JMY: variants seen among roughly 807,000 people sequenced by gnomAD.
JMY encodes the protein junction mediating and regulatory protein, p53 cofactor, also known as junction-mediating and -regulatory protein.
Under a neutral mutation model 103.3 loss-of-function variants are expected in JMY, and 46 were observed. The ratio of observed to expected loss-of-function variants is 0.45; its 90% CI spans 0.35 to 0.57. JMY has a LOEUF of 0.57. Ranked by LOEUF, JMY falls within the 20% of genes least tolerant of loss-of-function variation. JMY has a pLI of 0.00. For synonymous variants in JMY, 526 were observed against 489.3 expected (o/e 1.07, Z -0.99); for missense variants, 1,238 against 1,255.2 (o/e 0.99, Z 0.21).
intron 2 of JMY, 51 bp downstream of exon 2, chr5:79,278,134 G>A: frequency 7.2e-7 from 1 of 1,387,246 alleles, no homozygotes. Flanking sequence ...ATAGTTCTCA[G>A]CCTGAAAGGC....
At chr5:79,310,546 G>A (rs1407498347) in intron 7 of JMY, among the ~76,000 whole-genome samples, 1 of 152,130 alleles carries the variant, frequency 6.6e-6, no homozygotes, top group Non-Finnish European at 1.5e-5. Context: ...GTTTTTCAAT[G>A]CTAGTTTTAA....
intron 4 of JMY, among the ~76,000 whole-genome samples, chr5:79,294,988 C>T (rs896026405): frequency 2.0e-4 from 31 of 152,096 alleles, no homozygotes; most frequent in African/African-American, 7.2e-4. Context: ...TGAATGCATA[C>T]TAGTCTTGAA....
intron 6 of JMY, among the ~76,000 whole-genome samples, chr5:79,302,005 C>G (rs138604972): frequency 0.023 from 3,500 of 151,442 alleles, 75 homozygotes; most frequent in Middle Eastern, 0.054. Context: ...ATCGCTTGAA[C>G]CCAGAAGGTG....
At chr5:79,316,848 G>T (rs1747240974) in intron 10 of JMY, among the ~76,000 whole-genome samples, 1 of 146,524 alleles carries the variant, frequency 6.8e-6, no homozygotes. Context: ...GGAGGTTGCA[G>T]TGAGCTGAGA....
intron 1 of JMY, among the ~76,000 whole-genome samples, chr5:79,241,174 T>C (rs1206709191): frequency 6.6e-6 from 1 of 152,176 alleles, no homozygotes; most frequent in African/African-American, 2.4e-5. Flanking sequence ...CTTTTTTTTG[T>C]TTGTTTTTAA....
At chr5:79,288,015 T>G (rs1002641723) in intron 2 of JMY, among the ~76,000 whole-genome samples, 2 of 152,234 alleles carry the variant, frequency 1.3e-5, no homozygotes, top group African/African-American at 4.8e-5. Context: ...CAGAGGTAAT[T>G]GCAATAAAAG....
chr5:79,312,286 A>T (rs896981590), intron 7 of JMY, 117 bp from the exon 8 acceptor site: 1 of 491,362 alleles, frequency 2.0e-6, no homozygotes, highest in African/African-American at 2.0e-5. Context: ...ACAAAAAAAA[A>T]TTTTGTTCAG....
At chr5:79,285,994 CT>C (rs1746257082) in intron 2 of JMY, among the ~76,000 whole-genome samples, 1 of 152,140 alleles carries the variant, frequency 6.6e-6, no homozygotes, top group Non-Finnish European at 1.5e-5. Context: ...GCACTGTTTT[CT>C]TTCTAGCACT....
chr5:79,269,795 A>G (rs1745689019), intron 1 of JMY, among the ~76,000 whole-genome samples: 1 of 151,960 alleles, frequency 6.6e-6, no homozygotes, highest in Admixed American at 6.6e-5. Context: ...CAGTGGCGCA[A>G]TCATAGCTCA....
intron 1 of JMY, among the ~76,000 whole-genome samples, chr5:79,267,201 T>G (rs945154767): frequency 1.3e-5 from 2 of 152,236 alleles, no homozygotes; most frequent in Non-Finnish European, 2.9e-5. Context: ...TATATTAAAA[T>G]TAATTTTTTG....
intron 2 of JMY, 98 bp downstream of exon 2, chr5:79,278,181 A>C: frequency 9.7e-7 from 1 of 1,030,264 alleles, no homozygotes; most frequent in South Asian, 1.9e-5. Flanking sequence ...AAAAAAAAAA[A>C]AAAAAAGAAG....
intron 8 of JMY, among the ~76,000 whole-genome samples, chr5:79,313,849 A>G (rs1280190639): frequency 6.6e-6 from 1 of 152,176 alleles, no homozygotes; most frequent in Non-Finnish European, 1.5e-5. Context: ...TAAGGGTGAA[A>G]TAACCAATAA....
In JMY at chr5:79,237,682, G is replaced by GGTGA. The variant is rs753336364; in HGVS notation, c.1032+10_1032+13dup. The GGTGA allele has an allele frequency of 4.3e-6, 7 of 1,610,138 alleles. No individual in the cohort carries two copies. Among genetic ancestry groups the GGTGA allele is most frequent in the South Asian group, 1.1e-5 (1 of 90,832 alleles). ...AGCGGGCCAGGAAGCGCATCCAGGA[G>GGTGA]GTGAGTGAGTGAGCTCCTAGTCTGG... is the stretch of plus-strand genomic sequence containing the variant. On this transcript the variant is annotated frameshift_variant and splice_region_variant. Coordinates refer to ENST00000396137, the MANE Select transcript of JMY (RefSeq NM_152405.5). LOFTEE classifies it high-confidence loss of function.
intron 6 of JMY, among the ~76,000 whole-genome samples, chr5:79,301,280 A>G (rs2112108027): frequency 6.6e-6 from 1 of 152,304 alleles, no homozygotes; most frequent in Non-Finnish European, 1.5e-5. Context: ...TTTTGTGGAA[A>G]TGTGATTCTT....
chr5:79,240,647 T>G (rs1036176883), intron 1 of JMY, among the ~76,000 whole-genome samples: 4 of 152,116 alleles, frequency 2.6e-5, no homozygotes, highest in African/African-American at 9.7e-5. Context: ...GGACAACAAA[T>G]AGTTTCAGTA....
At chr5:79,239,024 A>G (rs1580321558) in intron 1 of JMY, among the ~76,000 whole-genome samples, 3 of 152,164 alleles carry the variant, frequency 2.0e-5, no homozygotes, top group South Asian at 2.1e-4. Flanking sequence ...GCTTATGTAT[A>G]TATAATAGTT....
At chr5:79,256,109 A>G (rs1323510892) in intron 1 of JMY, among the ~76,000 whole-genome samples, 1 of 152,158 alleles carries the variant, frequency 6.6e-6, no homozygotes, top group Non-Finnish European at 1.5e-5. Flanking sequence ...CTGGTGTTCT[A>G]TTGTATGGCA....
In JMY at chr5:79,314,785, A is replaced by G; in HGVS notation, c.2593A>G (p.Ser865Gly). The change falls in exon 9 of 11, where the codon AGC (serine) becomes GGC (glycine). Residue 865 changes from serine to glycine, a missense_variant. Physicochemically the swap from Ser to Gly is moderately conservative, Grantham distance 56 (BLOSUM62 0). Transcript: ENST00000396137. ...ASAPSAHLFDSSQLVSARKKL... is the reference protein window; with the variant it reads ...ASAPSAHLFDGSQLVSARKKL... ...TGCCCCCTCAGCACACCTCTTTGAC[A>G]GCAGCCAGCTGGTCAGTGCACGGAA... The G allele has an allele frequency of 6.2e-7, 1 of 1,612,660 alleles. No homozygotes were observed. The highest frequency in any genetic ancestry group is 8.5e-7 in the Non-Finnish European group (1 of 1,179,314).
At chr5:79,317,143 T>C (rs1747255128) in intron 10 of JMY, among the ~76,000 whole-genome samples, 1 of 152,140 alleles carries the variant, frequency 6.6e-6, no homozygotes. Flanking sequence ...TGATGTCATG[T>C]TAGCTGACCT....
Sources: gnomAD v4.1 joint callset for allele counts (sites outside exome capture counted in the v4.1 genomes callset) on GRCh38, gnomAD v4.1.1 for gene constraint, MANE v1.5 for transcripts, NCBI Gene and HGNC (gene_info 2026-07-23, HGNC 2026-07-21) for gene names.